The following GALNT18 variants were observed in gnomAD, a reference collection of about 807,000 sequenced individuals.
The protein encoded by GALNT18 is polypeptide N-acetylgalactosaminyltransferase 18.
GALNT18 carries 44 observed loss-of-function variants against 69.5 expected under a neutral mutation model. The observed-to-expected ratio is 0.63, with a 90% confidence interval of 0.50 to 0.81. The LOEUF (loss-of-function observed/expected upper bound fraction) is 0.81. Among genes scored for constraint, GALNT18 ranks in the 40% least tolerant of loss-of-function variants. The pLI, the probability that GALNT18 is intolerant of heterozygous loss-of-function variation, is 0.00. For synonymous variants in GALNT18, 364 were observed against 318.2 expected (o/e 1.14, Z -1.53); for missense variants, 715 against 810.0 (o/e 0.88, Z 1.42).
intron 6 of GALNT18, among the ~76,000 whole-genome samples, chr11:11,354,108 T>C (rs1324475935): frequency 6.6e-6 from 1 of 152,220 alleles, no homozygotes; most frequent in East Asian, 1.9e-4. Context: ...ATGCTACATC[T>C]TCTCTTAAAG....
At position 11,463,502 on chromosome 11, in the gene GALNT18, G is replaced by A. The variant is rs1856091039; in HGVS notation, c.236-14566C>T. Among the ~76,000 whole-genome samples, 2 of 152,154 alleles carry A rather than the reference G, an allele frequency of 1.3e-5. No homozygotes were observed. The highest frequency in any genetic ancestry group is 2.4e-5 in the African/African-American group (1 of 41,434). ...CAGCGAGGTTGAGGTCTGCTTACAC[G>A]TCCCCTGGGAGCCCTAGCTGTTGTG... On this transcript the variant is annotated intron_variant, in intron 1 of 10. Coordinates refer to ENST00000227756, the MANE Select transcript of GALNT18 (RefSeq NM_198516.3). The surrounding 1 kb of genome is among the most constrained non-coding windows in gnomAD (Gnocchi z 4.2).
intron 5 of GALNT18, among the ~76,000 whole-genome samples, chr11:11,375,613 C>T (rs979585562): frequency 7.9e-5 from 12 of 152,224 alleles, no homozygotes; most frequent in African/African-American, 2.7e-4. Context: ...CCTGGCTCTA[C>T]CGCCCAGAGC....
intron 9 of GALNT18, among the ~76,000 whole-genome samples, chr11:11,313,242 G>C (rs1849699351): frequency 1.3e-5 from 2 of 152,126 alleles, no homozygotes; most frequent in African/African-American, 4.8e-5. Context: ...AAAGGCAGGA[G>C]GCATGTGCAG....
At chr11:11,299,777 T>A (rs1849462661) in intron 9 of GALNT18, among the ~76,000 whole-genome samples, 1 of 152,256 alleles carries the variant, frequency 6.6e-6, no homozygotes, top group Admixed American at 6.5e-5. Flanking sequence ...TAAACACGCA[T>A]GTGCCAGTGT....
intron 1 of GALNT18, among the ~76,000 whole-genome samples, chr11:11,492,700 G>C (rs991753269): frequency 2.1e-4 from 24 of 116,670 alleles, no homozygotes; most frequent in African/African-American, 5.6e-4. Flanking sequence ...TGAACAATGA[G>C]AACACATGGA....
Position 11,601,568 on chromosome 11 carries a change from C to T in GALNT18, c.235+19791G>A, listed in dbSNP as rs74986907. On this transcript the variant is annotated intron_variant, in intron 1 of 10. Transcript: ENST00000227756. This position sits in a 1 kb window ranked among gnomAD's most constrained non-coding sequence, Gnocchi z 4.0. The stretch of plus-strand genomic sequence containing the variant: ...TACCTGATTGCTCTATTATTTTCAA[C>T]GGTGCCTTTAGGCATAAATTGCTCC... 0.017 allele frequency among the ~76,000 whole-genome samples: 2,575 copies of T among 152,316 alleles called. 37 individuals carry two copies. Among genetic ancestry groups the T allele is most frequent in the Non-Finnish European group, 0.027 (1,818 of 68,036 alleles).
At chr11:11,537,388 A>G (rs1382651823) in intron 1 of GALNT18, among the ~76,000 whole-genome samples, 3 of 152,182 alleles carry the variant, frequency 2.0e-5, no homozygotes, top group African/African-American at 7.2e-5. Context: ...TTTAACCATA[A>G]TTCTTTGGAG....
chr11:11,301,615 C>T (rs1192901995), intron 9 of GALNT18, among the ~76,000 whole-genome samples: 1 of 152,210 alleles, frequency 6.6e-6, no homozygotes, highest in Non-Finnish European at 1.5e-5. Flanking sequence ...CCTCTGTGAA[C>T]CCATTTCCCT....
chr11:11,374,036 C>G (rs1850975986), intron 5 of GALNT18, among the ~76,000 whole-genome samples: 1 of 152,174 alleles, frequency 6.6e-6, no homozygotes, highest in African/African-American at 2.4e-5. Context: ...CAGGAGACTT[C>G]TGGGGCAGAG....
chr11:11,498,146 C>T (rs1240195167), intron 1 of GALNT18, among the ~76,000 whole-genome samples: 2 of 152,184 alleles, frequency 1.3e-5, no homozygotes, highest in Non-Finnish European at 2.9e-5. Context: ...ATCAGCTGCC[C>T]TGCCTACAAC....
chr11:11,395,881 T>C (rs1854314342), intron 3 of GALNT18, among the ~76,000 whole-genome samples: 1 of 152,098 alleles, frequency 6.6e-6, no homozygotes, highest in Non-Finnish European at 1.5e-5. Flanking sequence ...CAAAGCACAC[T>C]GACCATGACC....
rs1437350768 is a variant in GALNT18 at position 11,555,302 on chromosome 11, G to A, written c.235+66057C>T. ...GGGTTCTCTGTTTTCAGGAGATCTA[G>A]CTAGAGAGCATTTTCCTGACACAGT... On this transcript the variant is annotated intron_variant, in intron 1 of 10. Coordinates refer to ENST00000227756, the MANE Select transcript of GALNT18 (RefSeq NM_198516.3). The surrounding 1 kb of genome is among the most constrained non-coding windows in gnomAD (Gnocchi z 4.7). 6.6e-6 allele frequency among the ~76,000 whole-genome samples: 1 copy of A among 152,194 alleles called. No individual in the cohort carries two copies. The highest frequency in any genetic ancestry group is 1.9e-4 in the East Asian group (1 of 5,188).
At chr11:11,319,142 A>G (rs1223798584) in intron 9 of GALNT18, among the ~76,000 whole-genome samples, 1 of 151,408 alleles carries the variant, frequency 6.6e-6, no homozygotes, top group Non-Finnish European at 1.5e-5. Flanking sequence ...CCTCAAATGC[A>G]CTCAGTACTT....
intron 1 of GALNT18, among the ~76,000 whole-genome samples, chr11:11,510,465 G>A (rs768357001): frequency 2.1e-5 from 3 of 141,300 alleles, no homozygotes; most frequent in Non-Finnish European, 4.8e-5. Context: ...CATGAGTACA[G>A]CTCATTTCCA....
intron 1 of GALNT18, among the ~76,000 whole-genome samples, chr11:11,545,471 G>T (rs1858031824): frequency 6.6e-6 from 1 of 152,200 alleles, no homozygotes; most frequent in Non-Finnish European, 1.5e-5. Flanking sequence ...CAGCCATGTG[G>T]ATATATATGC....
intron 10 of GALNT18, among the ~76,000 whole-genome samples, chr11:11,286,513 C>T (rs1849198040): frequency 6.6e-6 from 1 of 151,982 alleles, no homozygotes; most frequent in Non-Finnish European, 1.5e-5. Flanking sequence ...CTCCAGTGAG[C>T]ATGCATGCAT....
In GALNT18 at chr11:11,480,285, C is replaced by A. The variant is rs1856497811; in HGVS notation, c.236-31349G>T. The stretch of plus-strand genomic sequence containing the variant: ...CTCTCTTTCTCTCTCTCTCGCCCCC[C>A]TCGCCCCAACCTCAGTCATATCCCA... On this transcript the variant is annotated intron_variant, in intron 1 of 10. Transcript: ENST00000227756. This position sits in a 1 kb window ranked among gnomAD's most constrained non-coding sequence, Gnocchi z 4.6. 1.3e-5 allele frequency among the ~76,000 whole-genome samples: 2 copies of A among 152,060 alleles called. No individual in the cohort carries two copies. Among genetic ancestry groups the A allele is most frequent in the African/African-American group, 2.4e-5 (1 of 41,398 alleles).
chr11:11,274,472 C>G lies in GALNT18; in HGVS notation c.1678-3182G>C, dbSNP rs533950447. On this transcript the variant is annotated intron_variant, in intron 10 of 10. Transcript: ENST00000227756. ...AAATTCTCGCTGCTAGGACAGCAGTCTGAGGTTGACCTGGGATGCTCAAGC... is the reference window on the plus strand; with the variant it reads ...AAATTCTCGCTGCTAGGACAGCAGTGTGAGGTTGACCTGGGATGCTCAAGC... 3.3e-5 allele frequency among the ~76,000 whole-genome samples: 5 copies of G among 152,322 alleles called. No homozygotes were observed. In the East Asian group the frequency reaches 9.6e-4, roughly 29 times the overall value.
intron 1 of GALNT18, among the ~76,000 whole-genome samples, chr11:11,488,928 C>T (rs931713929): frequency 2.0e-5 from 3 of 152,152 alleles, no homozygotes; most frequent in South Asian, 2.1e-4. Context: ...ACCCCAAGGC[C>T]CAAACATGAC....
Sources: gnomAD v4.1 joint callset for allele counts (sites outside exome capture counted in the v4.1 genomes callset) on GRCh38, gnomAD v4.1.1 for gene constraint, Gnocchi (gnomAD v3.1) non-coding constraint, MANE v1.5 for transcripts, NCBI Gene and HGNC (gene_info 2026-07-23, HGNC 2026-07-21) for gene names.